FAM227A: variants seen among roughly 807,000 people sequenced by gnomAD.
FAM227A encodes the protein family with sequence similarity 227 member A.
Under a neutral mutation model 74.7 loss-of-function variants are expected in FAM227A, and 80 were observed. The observed-to-expected ratio is 1.07, with a 90% CI of 0.89 to 1.29. The LOEUF (loss-of-function observed/expected upper bound fraction) is 1.29. Ranked by LOEUF, FAM227A falls within the 50% of genes most tolerant of loss-of-function variation. The pLI is 0.00. For missense variants in FAM227A, 654 were observed against 683.4 expected (o/e 0.96, Z 0.48); for synonymous variants, 237 against 241.8 (o/e 0.98, Z 0.19).
Position 38,582,258 on chromosome 22 carries a change from G to T in FAM227A, c.*3867C>A. On this transcript the variant is annotated 3_prime_UTR_variant, in exon 17 of 17. Transcript: ENST00000535113. The stretch of plus-strand genomic sequence containing the variant: ...TCCAGCTATCCCTCCTGTTCTTCAG[G>T]AAACTGTATGTTCTAAAACATACAT... 7.4e-7 allele frequency: 1 copy of T among 1,356,152 alleles called. No individual in the cohort carries two copies. The highest frequency in any genetic ancestry group is 1.3e-5 in the South Asian group (1 of 76,022). The allele number at this position is 1,356,152 out of a possible 1,614,324, so 84.0% of individuals were successfully genotyped here. A position where few individuals can be genotyped will look rare whatever the true frequency, so the allele number is the denominator to read the frequency against.
At chr22:38,632,178 A>T (rs16999166) in intron 6 of FAM227A, among the ~76,000 whole-genome samples, 1 of 152,142 alleles carries the variant, frequency 6.6e-6, no homozygotes, top group African/African-American at 2.4e-5. Context: ...GGGAGTCTGC[A>T]GTGTAGTGAA....
rs562481425 is a variant in FAM227A at position 38,652,738 on chromosome 22, G to A, written c.-94-2476C>T. 5.4e-5 allele frequency among the ~76,000 whole-genome samples: 8 copies of A among 147,036 alleles called. No homozygotes were observed. The South Asian group carries it at 1.3e-3, about 24-fold the overall frequency. The stretch of plus-strand genomic sequence containing the variant: ...CGTCTCTACTAAAAATTAGCCTGGC[G>A]TGGTGGCGGGCTCCTGTAGTCCCAG... On this transcript the variant is annotated intron_variant, in intron 1 of 16. Transcript: ENST00000535113.
At position 38,628,180 on chromosome 22, in the gene FAM227A, A is replaced by G. The variant is rs1017217551; in HGVS notation, c.726+58T>C. On this transcript the variant is annotated intron_variant, in intron 8 of 16. Coordinates refer to ENST00000535113, the MANE Select transcript of FAM227A (RefSeq NM_001013647.2). ...AGAATGTTTAAGACATTCTCTTGGC[A>G]TCAGAAATGAACAGAAATCTAATGT... 5.3e-5 allele frequency: 53 copies of G among 1,007,770 alleles called. No homozygotes were observed. The African/African-American group carries it at 8.1e-4, about 15-fold the overall frequency. 62.4% of individuals were successfully genotyped at this position (1,007,770 alleles called of 1,614,324 possible).
intron 3 of FAM227A, among the ~76,000 whole-genome samples, chr22:38,640,505 G>A (rs957057814): frequency 1.1e-4 from 16 of 151,762 alleles, no homozygotes; most frequent in African/African-American, 2.9e-4. Context: ...ATCCTCCTAC[G>A]CCCCTGAAAA....
chr22:38,606,046 C>A (rs1280174450), intron 12 of FAM227A, among the ~76,000 whole-genome samples: 1 of 152,168 alleles, frequency 6.6e-6, no homozygotes, highest in Non-Finnish European at 1.5e-5. Context: ...TGCTAACATA[C>A]CTCTCCTACA....
chr22:38,634,206 A>G (rs1263091890), intron 6 of FAM227A, among the ~76,000 whole-genome samples: 2 of 137,492 alleles, frequency 1.5e-5, no homozygotes, highest in African/African-American at 5.5e-5. Flanking sequence ...TGGGAGACAG[A>G]GCAAGACTCT....
Position 38,597,263 on chromosome 22 carries a change from A to G in FAM227A, c.1473T>C (p.His491=), listed in dbSNP as rs540565036. The G allele has an allele frequency of 1.6e-4, 250 of 1,552,158 alleles. 1 individual carries two copies. The East Asian group carries it at 5.1e-3, about 32-fold the overall frequency. Residue 491 remains histidine (H), a synonymous_variant, in exon 15 of 17, where the codon CAT becomes CAC. Coordinates refer to ENST00000535113, the MANE Select transcript of FAM227A (RefSeq NM_001013647.2). The part of the protein sequence containing the change: ...KDNLNQLYQH[H]WTEWNYFDKH... Reference sequence around the variant, plus strand: ...TGTCAAAATAATTCCATTCAGTCCAATGATGCTGGTACAACTGATTGAGGT... The same window carrying G: ...TGTCAAAATAATTCCATTCAGTCCAGTGATGCTGGTACAACTGATTGAGGT...
At chr22:38,635,190 C>T (rs576004395) in intron 6 of FAM227A, among the ~76,000 whole-genome samples, 14 of 143,212 alleles carry the variant, frequency 9.8e-5, no homozygotes, top group Admixed American at 3.5e-4. Flanking sequence ...CGCGCCACTG[C>T]ACTCTGTCCA....
Position 38,620,811 on chromosome 22 carries a change from G to GA in FAM227A, c.959-521dup, listed in dbSNP as rs59108423. ...GTGACATAATGAGACTCCGTCTCAAGAAAAAAAAGAAAAAAAAAGTATGCA... is the reference window on the plus strand; with the variant it reads ...GTGACATAATGAGACTCCGTCTCAAGAAAAAAAAAGAAAAAAAAAGTATGCA... On this transcript the variant is annotated intron_variant, in intron 10 of 16. Coordinates refer to ENST00000535113, the MANE Select transcript of FAM227A (RefSeq NM_001013647.2). Among the ~76,000 whole-genome samples the GA allele has an allele frequency of 3.4e-5, 5 of 147,180 alleles. No homozygotes were observed. The East Asian group carries it at 6.0e-4, about 18-fold the overall frequency.
At chr22:38,629,558 A>G (rs1190842961) in intron 6 of FAM227A, among the ~76,000 whole-genome samples, 2 of 152,274 alleles carry the variant, frequency 1.3e-5, no homozygotes, top group African/African-American at 4.8e-5. Context: ...CCTACTGTAT[A>G]GAAGAGGAAA....
chr22:38,623,989 G>T (rs1022730203), intron 9 of FAM227A, among the ~76,000 whole-genome samples: 1 of 152,198 alleles, frequency 6.6e-6, no homozygotes, highest in African/African-American at 2.4e-5. Flanking sequence ...ATAAATTGGG[G>T]TAAGAAGGTG....
chr22:38,643,392 T>C (rs986232808), intron 3 of FAM227A, among the ~76,000 whole-genome samples: 2 of 151,124 alleles, frequency 1.3e-5, no homozygotes, highest in African/African-American at 4.9e-5. Flanking sequence ...CTGCAGACTA[T>C]AAATAAGCAC....
intron 3 of FAM227A, among the ~76,000 whole-genome samples, chr22:38,644,595 C>T (rs2092192173): frequency 1.3e-5 from 1 of 77,862 alleles, no homozygotes; most frequent in Non-Finnish European, 3.0e-5. Context: ...GTAGAATGTA[C>T]AACACCAAGA....
chr22:38,598,270 G>A (rs766168191), intron 14 of FAM227A, among the ~76,000 whole-genome samples: 3 of 152,250 alleles, frequency 2.0e-5, no homozygotes, highest in Admixed American at 6.5e-5. Context: ...TCAGCTGTAT[G>A]CCATTTAATC....
intron 5 of FAM227A, among the ~76,000 whole-genome samples, chr22:38,636,853 C>T (rs1773816116): frequency 2.7e-5 from 4 of 150,208 alleles, no homozygotes; most frequent in Admixed American, 2.0e-4. Flanking sequence ...CTCACTGCAA[C>T]CTCTGCCTCC....
chr22:38,607,027 A>G (rs571035616), intron 12 of FAM227A, among the ~76,000 whole-genome samples: 1 of 152,118 alleles, frequency 6.6e-6, no homozygotes, highest in East Asian at 1.9e-4. Flanking sequence ...AAATACAAAA[A>G]TTAGCCAGGC....
In FAM227A at chr22:38,607,573, A is replaced by G. The variant is rs181468947; in HGVS notation, c.1039-97T>C. ...AGAAATACAAAAAAGTAATACATGC[A>G]ATTTCTTTGCTATTTCTTACTGTTC... On this transcript the variant is annotated intron_variant, in intron 11 of 16. Coordinates refer to ENST00000535113, the MANE Select transcript of FAM227A (RefSeq NM_001013647.2). 3.4e-3 allele frequency: 2,833 copies of G among 827,532 alleles called. 9 individuals are homozygous for G. Among genetic ancestry groups the G allele is most frequent in the Non-Finnish European group, 4.6e-3 (2,301 of 501,220 alleles). 51.3% of individuals were successfully genotyped at this position (827,532 alleles called of 1,614,324 possible).
At chr22:38,620,579 G>A (rs189988704) in intron 10 of FAM227A, among the ~76,000 whole-genome samples, 87 of 152,222 alleles carry the variant, frequency 5.7e-4, no homozygotes, top group Middle Eastern at 3.4e-3. Context: ...CGAGGCGGGC[G>A]GATCACGAGG....
chr22:38,612,930 G>C (rs1477935169), intron 11 of FAM227A, among the ~76,000 whole-genome samples: 3 of 149,002 alleles, frequency 2.0e-5, no homozygotes, highest in Non-Finnish European at 4.4e-5. Flanking sequence ...TTAATAGCTA[G>C]AGTGGATTCT....
Sources: allele counts gnomAD v4.1 joint callset (sites outside exome capture counted in the v4.1 genomes callset), GRCh38; gene constraint gnomAD v4.1.1; transcripts MANE v1.5; gene names NCBI Gene and HGNC (gene_info 2026-07-23, HGNC 2026-07-21).